The following KCNH1 variants were observed in gnomAD, a reference collection of about 807,000 sequenced individuals.
The protein encoded by KCNH1 is voltage-gated delayed rectifier potassium channel KCNH1.
Under a neutral mutation model 69.2 loss-of-function variants are expected in KCNH1, and 27 were observed. The ratio of observed to expected loss-of-function variants is 0.39; its 90% CI spans 0.29 to 0.54. The LOEUF is 0.54. KCNH1 is among the 20% of genes least tolerant of loss of function. KCNH1 has a pLI of 0.68. For missense variants in KCNH1, 798 were observed against 1,261.6 expected (o/e 0.63, Z 5.57); for synonymous variants, 456 against 487.7 (o/e 0.93, Z 0.86).
chr1:211,048,820 G>A (rs185663037), intron 5 of KCNH1, among the ~76,000 whole-genome samples: 6 of 152,236 alleles, frequency 3.9e-5, no homozygotes, highest in Admixed American at 2.6e-4. Flanking sequence ...AACACCACCT[G>A]TTCCCCAAAA....
chr1:210,912,695 T>TC (rs148794721), intron 7 of KCNH1, among the ~76,000 whole-genome samples: 1,558 of 152,252 alleles, frequency 0.01, 54 homozygotes, highest in East Asian at 0.056. Flanking sequence ...TGTTTTTGCA[T>TC]CCCCAAATGG....
chr1:210,701,635 A>G (rs1464236670), intron 10 of KCNH1, among the ~76,000 whole-genome samples: 1 of 150,412 alleles, frequency 6.6e-6, no homozygotes, highest in Non-Finnish European at 1.5e-5. Context: ...CCTTCCTTCC[A>G]TCTTTTTTTT....
intron 10 of KCNH1, among the ~76,000 whole-genome samples, chr1:210,692,795 A>G (rs1681553602): frequency 6.6e-6 from 1 of 152,218 alleles, no homozygotes. Flanking sequence ...CCTGGAATGG[A>G]TCCTCCTCCA....
intron 5 of KCNH1, among the ~76,000 whole-genome samples, chr1:211,025,605 T>C (rs771066472): frequency 2.0e-5 from 3 of 152,080 alleles, no homozygotes; most frequent in Non-Finnish European, 4.4e-5. Context: ...TCTTGGAACA[T>C]GTCCAGGGTC....
At chr1:210,920,127 C>A in intron 6 of KCNH1, 58 bp from the exon 7 acceptor site, 1 of 1,479,508 alleles carries the variant, frequency 6.8e-7, no homozygotes, top group South Asian at 1.2e-5. Context: ...ACTCTCGTCC[C>A]CTCCGCCCCA....
intron 7 of KCNH1, among the ~76,000 whole-genome samples, chr1:210,843,652 T>A (rs1347482571): frequency 6.6e-6 from 1 of 152,154 alleles, no homozygotes; most frequent in Non-Finnish European, 1.5e-5. Context: ...TTACCAGAGG[T>A]CACAGGATCA....
chr1:210,885,301 C>T (rs888935213), intron 7 of KCNH1, among the ~76,000 whole-genome samples: 3 of 152,182 alleles, frequency 2.0e-5, no homozygotes, highest in Non-Finnish European at 4.4e-5. Context: ...CCAGGAAGCA[C>T]AAGGGATAGG....
At chr1:210,821,566 G>T (rs747004214) in intron 7 of KCNH1, among the ~76,000 whole-genome samples, 1 of 152,000 alleles carries the variant, frequency 6.6e-6, no homozygotes, top group Non-Finnish European at 1.5e-5. Context: ...ATCTGTAGTG[G>T]GTGAGCACAT....
intron 6 of KCNH1, among the ~76,000 whole-genome samples, chr1:210,989,095 C>T (rs1419844710): frequency 6.6e-6 from 1 of 152,170 alleles, no homozygotes; most frequent in Admixed American, 6.5e-5. Flanking sequence ...CAAACAGTGA[C>T]ATCTTCATAC....
chr1:210,881,542 CAAATG>C (rs1686494266), intron 7 of KCNH1, among the ~76,000 whole-genome samples: 1 of 152,142 alleles, frequency 6.6e-6, no homozygotes, highest in Non-Finnish European at 1.5e-5. Context: ...ACTACTTACT[CAAATG>C]TATTGGAAAC....
intron 5 of KCNH1, among the ~76,000 whole-genome samples, chr1:211,078,249 C>T (rs934093135): frequency 6.6e-6 from 1 of 152,172 alleles, no homozygotes; most frequent in African/African-American, 2.4e-5. Context: ...GACTTGAACT[C>T]AGCTCTGCAC....
intron 5 of KCNH1, chr1:211,063,599 G>A (rs571840686): frequency 5.3e-5 from 8 of 152,206 alleles, no homozygotes; most frequent in South Asian, 2.1e-4. Flanking sequence ...AAATTAGCCC[G>A]GTGTAGCAGC....
At chr1:210,855,708 T>C (rs1290449545) in intron 7 of KCNH1, among the ~76,000 whole-genome samples, 1 of 152,128 alleles carries the variant, frequency 6.6e-6, no homozygotes, top group Non-Finnish European at 1.5e-5. Context: ...CCTGCTGCCT[T>C]TCTATAGCAG....
intron 9 of KCNH1, among the ~76,000 whole-genome samples, chr1:210,782,345 T>G (rs1240883097): frequency 6.6e-6 from 1 of 152,160 alleles, no homozygotes; most frequent in Non-Finnish European, 1.5e-5. Flanking sequence ...ATTTATATGC[T>G]AAAACCCTAA....
chr1:210,880,070 C>G (rs1370206404), intron 7 of KCNH1, among the ~76,000 whole-genome samples: 1 of 152,094 alleles, frequency 6.6e-6, no homozygotes, highest in Non-Finnish European at 1.5e-5. Flanking sequence ...AACTACAAAA[C>G]TCTTATGAAG....
In KCNH1 at chr1:210,957,561, A is replaced by G. The variant is rs190546383; in HGVS notation, c.1033-37492T>C. Among the ~76,000 whole-genome samples, 5 of 152,262 alleles carry G rather than the reference A, an allele frequency of 3.3e-5. No homozygotes were observed. The East Asian group carries it at 5.8e-4, about 18-fold the overall frequency. ...TGTGTGGGAGCCTAAGTCTCTTTGT[A>G]GGTCTCTAAGGACTTCCTTTATGAA... is the stretch of plus-strand genomic sequence containing the variant. On this transcript the variant is annotated intron_variant, in intron 6 of 10. Transcript: ENST00000271751.
At chr1:211,040,963 C>A (rs532670719) in intron 5 of KCNH1, among the ~76,000 whole-genome samples, 1 of 152,286 alleles carries the variant, frequency 6.6e-6, no homozygotes, top group South Asian at 2.1e-4. Context: ...AATGCTTTAC[C>A]CAAGCCCTCA....
intron 5 of KCNH1, among the ~76,000 whole-genome samples, chr1:211,028,043 C>T (rs915572439): frequency 3.9e-5 from 6 of 152,074 alleles, no homozygotes; most frequent in African/African-American, 1.4e-4. Context: ...ACAGTTTTTA[C>T]AAGTGTACAC....
intron 10 of KCNH1, among the ~76,000 whole-genome samples, chr1:210,739,416 G>GC (rs140223652): frequency 6.6e-6 from 1 of 152,118 alleles, no homozygotes; most frequent in Non-Finnish European, 1.5e-5. Flanking sequence ...GAGTTAGGGA[G>GC]CCCCCCCAAG....
Sources: gnomAD v4.1 joint callset for allele counts (sites outside exome capture counted in the v4.1 genomes callset) on GRCh38, gnomAD v4.1.1 for gene constraint, MANE v1.5 for transcripts, NCBI Gene and HGNC (gene_info 2026-07-23, HGNC 2026-07-21) for gene names.